The following CHD9 variants were observed in gnomAD, a reference collection of about 807,000 sequenced individuals.
CHD9 encodes the protein chromodomain helicase DNA binding protein 9, also known as ATP-dependent chromatin remodeler CHD9.
A neutral mutation model predicts 316.1 loss-of-function variants in CHD9; 77 were observed. The observed-to-expected ratio is 0.24, with a 90% CI of 0.20 to 0.29. CHD9 has a LOEUF of 0.29. CHD9 is among the 10% of genes least tolerant of loss of function. The probability of loss-of-function intolerance (pLI) is 1.00; values close to 1 mark genes in which losing one functional copy is unlikely to be tolerated. For synonymous variants in CHD9, 1,129 were observed against 1,158.3 expected, an observed-to-expected ratio of 0.97 and a Z score of 0.51; for missense variants, 2,763 against 3,438.1, an observed-to-expected ratio of 0.80 and a Z score of 4.91.
Position 53,303,824 on chromosome 16 carries a change from C to T in CHD9, c.5818C>T (p.Arg1940Ter), listed in dbSNP as rs2153080536. The T allele has an allele frequency of 6.2e-7, 1 of 1,614,022 alleles. No individual in the cohort carries two copies. Among genetic ancestry groups the T allele is most frequent in the Non-Finnish European group, 8.5e-7 (1 of 1,179,890 alleles). The change falls in exon 31 of 39, where the codon CGA (arginine) becomes TGA (stop). Residue 1940 changes from arginine (R) to a stop codon, truncating the protein, a stop_gained. Coordinates refer to ENST00000447540, the MANE Select transcript of CHD9 (RefSeq NM_001308319.2). LOFTEE classifies it high-confidence loss of function. ...LLRKVREQAL[R>*]HPQLFERLKL... ...AAGGAAAGTACGGGAACAGGCCCTT[C>T]GACATCCACAGTTGTTTGAACGCTT...
At chr16:53,149,327 T>G (rs948186670) in intron 1 of CHD9, among the ~76,000 whole-genome samples, 2 of 152,200 alleles carry the variant, frequency 1.3e-5, no homozygotes, top group Non-Finnish European at 2.9e-5. Context: ...GTCTGGTTGG[T>G]CTATCTATTA....
chr16:53,271,919 G>C (rs2052309242), intron 22 of CHD9, among the ~76,000 whole-genome samples: 1 of 151,972 alleles, frequency 6.6e-6, no homozygotes, highest in African/African-American at 2.4e-5. Context: ...AACCAACAAG[G>C]GTGGAGAAGA....
At chr16:53,200,506 T>C (rs1285898705) in intron 2 of CHD9, among the ~76,000 whole-genome samples, 1 of 151,950 alleles carries the variant, frequency 6.6e-6, no homozygotes, top group Admixed American at 6.6e-5. Context: ...CCAAGATTTA[T>C]GAGTCTATAT....
chr16:53,151,955 A>G (rs141889001), intron 1 of CHD9, among the ~76,000 whole-genome samples: 1 of 147,530 alleles, frequency 6.8e-6, no homozygotes, highest in East Asian at 2.0e-4. Flanking sequence ...TATTCTTTGT[A>G]TGCTTTCAGG....
chr16:53,186,454 C>G (rs2044017157), intron 2 of CHD9, among the ~76,000 whole-genome samples: 1 of 152,152 alleles, frequency 6.6e-6, no homozygotes, highest in South Asian at 2.1e-4. Flanking sequence ...ATTTTACAGG[C>G]TCATAGGTGG....
chr16:53,091,001 ACCC>A (rs5816887), intron 1 of CHD9, among the ~76,000 whole-genome samples: 1 of 147,060 alleles, frequency 6.8e-6, no homozygotes, highest in African/African-American at 2.5e-5. Flanking sequence ...GGAACAGCTC[ACCC>A]CCCCCCGACT....
At chr16:53,285,459 A>G (rs2053789590) in intron 24 of CHD9, 137 bp from the exon 25 acceptor site, 6 of 385,912 alleles carry the variant, frequency 1.6e-5, no homozygotes, top group Non-Finnish European at 2.6e-5. Flanking sequence ...ATTGGTGGCA[A>G]TTATGAAGGA....
rs1380951307 is a variant in CHD9, at chr16:53,303,713, T to C, written c.5714-7T>C. ...ATTAATATTTTTGTCCTTGTTTCAA[T>C]ATGTAGAATTGGTGGATCCAAATAT... On this transcript the variant is annotated splice_region_variant and splice_polypyrimidine_tract_variant and intron_variant, in intron 30 of 38. Transcript: ENST00000447540. 6.4e-7 allele frequency: 1 copy of C among 1,554,938 alleles called. No individual in the cohort carries two copies. The highest frequency in any genetic ancestry group is 8.7e-7 in the Non-Finnish European group (1 of 1,153,582).
chr16:53,128,470 C>A (rs770447899), intron 1 of CHD9, among the ~76,000 whole-genome samples: 1 of 152,066 alleles, frequency 6.6e-6, no homozygotes, highest in African/African-American at 2.4e-5. Context: ...GCTTGAGCCA[C>A]CACGCCTGGC....
chr16:53,225,241 G>A (rs985683797), intron 4 of CHD9, among the ~76,000 whole-genome samples: 3 of 152,088 alleles, frequency 2.0e-5, no homozygotes, highest in African/African-American at 7.2e-5. Context: ...GGTTTATTTT[G>A]CTGGTTCCAT....
At chr16:53,165,990 CT>C (rs1396454662) in intron 2 of CHD9, among the ~76,000 whole-genome samples, 5 of 152,070 alleles carry the variant, frequency 3.3e-5, no homozygotes, top group Non-Finnish European at 7.4e-5. Flanking sequence ...CATGGTATTA[CT>C]TATAAAAGTT....
intron 27 of CHD9, among the ~76,000 whole-genome samples, chr16:53,289,560 G>A (rs1052569565): frequency 4.6e-5 from 7 of 152,178 alleles, no homozygotes; most frequent in African/African-American, 9.7e-5. Flanking sequence ...TAATGGATTC[G>A]TCTGGACCAA....
intron 1 of CHD9, among the ~76,000 whole-genome samples, chr16:53,137,183 AGGAT>A (rs2039782159): frequency 6.6e-6 from 1 of 152,146 alleles, no homozygotes; most frequent in South Asian, 2.1e-4. Flanking sequence ...CATGTTGGCC[AGGAT>A]GGTCTCGATC....
intron 2 of CHD9, among the ~76,000 whole-genome samples, chr16:53,174,569 T>C (rs968194933): frequency 1.3e-5 from 2 of 152,154 alleles, no homozygotes; most frequent in Non-Finnish European, 2.9e-5. Context: ...ATTAACATGG[T>C]ATATCTTTTT....
chr16:53,314,979 A>G lies in CHD9; in HGVS notation c.7519A>G (p.Lys2507Glu). 6.2e-7 allele frequency: 1 copy of G among 1,613,868 alleles called. No individual in the cohort carries two copies. Among genetic ancestry groups the G allele is most frequent in the Non-Finnish European group, 8.5e-7 (1 of 1,179,820 alleles). ...TGCAGGAGATGATGCACCAAAGAGA[A>G]AGGATTTGGAAAAATGGCTTAAGGA... Reference protein sequence around the residue: ...RLAGDDAPKRKDLEKWLKEHP... With the variant: ...RLAGDDAPKREDLEKWLKEHP... The change falls in exon 36 of 39, where the codon AAG becomes GAG. Residue 2507 changes from lysine (K) to glutamate (E), a missense_variant. Coordinates refer to ENST00000447540, the MANE Select transcript of CHD9 (RefSeq NM_001308319.2).
chr16:53,267,313 C>T lies in CHD9; in HGVS notation c.4340C>T (p.Thr1447Ile). Residue 1447 changes from threonine (T) to isoleucine (I), a missense_variant, in exon 21 of 39, where the codon ACT becomes ATT. Thr to Ile is a moderately conservative substitution (Grantham distance 89). Transcript: ENST00000447540. ...TTACAGAACAGCTTGGTTATTGACA[C>T]TCCAAGAATTAGGAAGCAAACAAGA... ...ISGRNSLVID[T>I]PRIRKQTRPF... 6.2e-7 allele frequency: 1 copy of T among 1,608,760 alleles called. No homozygotes were observed. The highest frequency in any genetic ancestry group is 8.5e-7 in the Non-Finnish European group (1 of 1,177,114).
At chr16:53,301,767 CT>C (rs199846098) in intron 30 of CHD9, among the ~76,000 whole-genome samples, 35,649 of 125,590 alleles carry the variant, frequency 0.28, 3,543 homozygotes, top group Middle Eastern at 0.36. Context: ...TCTTTTTTTT[CT>C]TTTTTTTTTT....
chr16:53,150,720 T>C (rs2152733817), intron 1 of CHD9, among the ~76,000 whole-genome samples: 1 of 152,342 alleles, frequency 6.6e-6, no homozygotes, highest in East Asian at 1.9e-4. Flanking sequence ...TTAATTTCTC[T>C]TCATTCTTAA....
chr16:53,208,498 T>C, intron 2 of CHD9: 1 of 1,148,532 alleles, frequency 8.7e-7, no homozygotes, highest in South Asian at 1.8e-5. Context: ...CGAGTCTTGG[T>C]TATTTGTTAT....
Sources: gnomAD v4.1 joint callset for allele counts (sites outside exome capture counted in the v4.1 genomes callset) on GRCh38, gnomAD v4.1.1 for gene constraint, MANE v1.5 for transcripts, NCBI Gene and HGNC (gene_info 2026-07-23, HGNC 2026-07-21) for gene names.